The following ROBO2 variants were observed in gnomAD, a reference collection of about 807,000 sequenced individuals.
ROBO2 encodes the protein roundabout guidance receptor 2.
ROBO2 carries 53 observed loss-of-function variants against 160.8 expected under a neutral mutation model. The observed-to-expected ratio is 0.33, with a 90% confidence interval of 0.26 to 0.41. The LOEUF (loss-of-function observed/expected upper bound fraction) is 0.41, where lower values mean the gene tolerates loss of function less well. Ranked by LOEUF, ROBO2 falls within the 10% of genes least tolerant of loss-of-function variation. The probability of loss-of-function intolerance (pLI) is 1.00; values close to 1 mark genes in which losing one functional copy is unlikely to be tolerated. For synonymous variants in ROBO2, 664 were observed against 611.7 expected (o/e 1.09, Z -1.26); for missense variants, 1,577 against 1,722.4 (o/e 0.92, Z 1.49).
chr3:76,658,062 G>A (rs2091649888), intron 2 of ROBO2, among the ~76,000 whole-genome samples: 1 of 114,424 alleles, frequency 8.7e-6, no homozygotes, highest in African/African-American at 3.0e-5. Context: ...GCGAGATCCT[G>A]TCTGAATAAA....
At chr3:76,256,584 G>T (rs1242962152) in intron 2 of ROBO2, among the ~76,000 whole-genome samples, 1 of 151,036 alleles carries the variant, frequency 6.6e-6, no homozygotes, top group Non-Finnish European at 1.5e-5. Context: ...GATGATAGTG[G>T]TCTGTAGTTC....
chr3:77,404,897 T>C (rs1386180079), intron 2 of ROBO2, among the ~76,000 whole-genome samples: 1 of 152,160 alleles, frequency 6.6e-6, no homozygotes, highest in Non-Finnish European at 1.5e-5. Flanking sequence ...ATGTGCTGAG[T>C]AAAGCTCTAG....
At chr3:76,998,107 T>G (rs1049603753) in intron 2 of ROBO2, among the ~76,000 whole-genome samples, 4 of 152,140 alleles carry the variant, frequency 2.6e-5, no homozygotes, top group Admixed American at 1.3e-4. Flanking sequence ...AATCTATCTC[T>G]TCATGGAAGA....
chr3:76,425,820 C>T (rs2076201653), intron 2 of ROBO2, among the ~76,000 whole-genome samples: 1 of 151,520 alleles, frequency 6.6e-6, no homozygotes, highest in South Asian at 2.1e-4. Context: ...GAAGAGGACC[C>T]AGTGTGTTTA....
chr3:76,505,366 AT>A (rs1204716218), intron 2 of ROBO2, among the ~76,000 whole-genome samples: 10 of 91,286 alleles, frequency 1.1e-4, no homozygotes, highest in African/African-American at 3.5e-4. Context: ...ATAGTTCAGC[AT>A]TTAAAAAAAA....
chr3:77,214,608 T>A lies in ROBO2; in HGVS notation c.388+116268T>A, dbSNP rs532658779. On this transcript the variant is annotated intron_variant, in intron 2 of 25. Coordinates refer to ENST00000461745, the Ensembl canonical transcript of ROBO2. ...AAGGTTAGTATTGTTATGTGTGAAT[T>A]TGAACCTGTCATTATGATGTTAGCT... Among the ~76,000 whole-genome samples the A allele has an allele frequency of 2.6e-5, 4 of 152,250 alleles. No individual in the cohort carries two copies. In the East Asian group the frequency reaches 7.7e-4, roughly 29 times the overall value.
At chr3:76,062,893 A>G (rs79620108) in intron 2 of ROBO2, among the ~76,000 whole-genome samples, 3,633 of 152,268 alleles carry the variant, frequency 0.024, 143 homozygotes, top group African/African-American at 0.082. Context: ...TGTTAAAATC[A>G]TGTATGTTGG....
At chr3:76,849,765 G>A (rs749447661) in intron 2 of ROBO2, among the ~76,000 whole-genome samples, 4 of 152,156 alleles carry the variant, frequency 2.6e-5, no homozygotes, top group African/African-American at 9.7e-5. Context: ...ATTGGTAAGA[G>A]TTGTAGGAGC....
chr3:77,371,245 A>G (rs750738159), intron 2 of ROBO2, among the ~76,000 whole-genome samples: 11 of 152,206 alleles, frequency 7.2e-5, no homozygotes, highest in Non-Finnish European at 1.2e-4. Flanking sequence ...TCAAAACATA[A>G]TTATGCACTT....
chr3:76,174,481 G>T (rs2073156779), intron 2 of ROBO2, among the ~76,000 whole-genome samples: 1 of 152,094 alleles, frequency 6.6e-6, no homozygotes, highest in East Asian at 1.9e-4. Context: ...TTCTTTTAGG[G>T]TTTTTATGGT....
intron 2 of ROBO2, among the ~76,000 whole-genome samples, chr3:76,990,615 AC>A (rs2060611564): frequency 6.6e-6 from 1 of 152,134 alleles, no homozygotes; most frequent in African/African-American, 2.4e-5. Context: ...AATGTTAGGG[AC>A]CATCAGGTGA....
At chr3:77,322,789 T>C (rs1223669313) in intron 2 of ROBO2, among the ~76,000 whole-genome samples, 3 of 135,100 alleles carry the variant, frequency 2.2e-5, no homozygotes, top group Non-Finnish European at 3.1e-5. Flanking sequence ...TATTATAATA[T>C]ATTATGTAAT....
intron 2 of ROBO2, among the ~76,000 whole-genome samples, chr3:76,731,373 T>C (rs1439759540): frequency 6.6e-6 from 1 of 152,216 alleles, no homozygotes; most frequent in African/African-American, 2.4e-5. Flanking sequence ...TGTAGGATTT[T>C]AAGAATTCCT....
chr3:76,227,855 C>T (rs1575991565), intron 2 of ROBO2, among the ~76,000 whole-genome samples: 1 of 152,188 alleles, frequency 6.6e-6, no homozygotes, highest in African/African-American at 2.4e-5. Flanking sequence ...TTTGAACACA[C>T]ACATAATCAC....
At chr3:76,337,512 A>C (rs962171337) in intron 2 of ROBO2, among the ~76,000 whole-genome samples, 1 of 152,134 alleles carries the variant, frequency 6.6e-6, no homozygotes, top group Non-Finnish European at 1.5e-5. Flanking sequence ...TTGCTTGGCC[A>C]TTACAGGATT....
intron 2 of ROBO2, among the ~76,000 whole-genome samples, chr3:76,736,055 G>A (rs918381584): frequency 6.6e-6 from 1 of 151,486 alleles, no homozygotes; most frequent in African/African-American, 2.4e-5. Flanking sequence ...AGGCCGAGGC[G>A]GGCGGATCAC....
intron 2 of ROBO2, among the ~76,000 whole-genome samples, chr3:76,045,493 A>G (rs1050955887): frequency 1.3e-5 from 2 of 152,018 alleles, no homozygotes; most frequent in Admixed American, 6.5e-5. Flanking sequence ...ATAGAGAAAG[A>G]CTTTCAATTT....
At chr3:76,757,135 G>T (rs960717747) in intron 2 of ROBO2, among the ~76,000 whole-genome samples, 1 of 151,800 alleles carries the variant, frequency 6.6e-6, no homozygotes, top group Admixed American at 6.6e-5. Context: ...AAGCAAGATA[G>T]ATATGAATAA....
intron 2 of ROBO2, among the ~76,000 whole-genome samples, chr3:76,284,769 T>C (rs189674076): frequency 1.2e-4 from 19 of 152,256 alleles, no homozygotes; most frequent in African/African-American, 4.3e-4. Context: ...CTTCACCTGA[T>C]TCCAAGTCAT....
Sources: allele counts gnomAD v4.1 joint callset (sites outside exome capture counted in the v4.1 genomes callset), GRCh38; gene constraint gnomAD v4.1.1; transcripts MANE v1.5; gene names NCBI Gene and HGNC (gene_info 2026-07-23, HGNC 2026-07-21).